The following SYNDIG1 variants were observed in gnomAD, a reference collection of about 807,000 sequenced individuals.
SYNDIG1 encodes the protein synapse differentiation inducing 1, also known as synapse differentiation-inducing gene protein 1.
Under a neutral mutation model 19.4 loss-of-function variants are expected in SYNDIG1, and 9 were observed. The ratio of observed to expected loss-of-function variants is 0.46; its 90% CI spans 0.28 to 0.81. The LOEUF (loss-of-function observed/expected upper bound fraction) is 0.81, where lower values mean the gene tolerates loss of function less well. SYNDIG1 is among the 30% of genes least tolerant of loss of function. SYNDIG1 has a pLI of 0.12. For missense variants in SYNDIG1, 311 were observed against 343.3 expected (o/e 0.91, Z 0.74); for synonymous variants, 141 against 145.9 (o/e 0.97, Z 0.24).
intron 3 of SYNDIG1, among the ~76,000 whole-genome samples, chr20:24,644,358 C>T (rs1323091044): frequency 6.6e-6 from 1 of 152,246 alleles, no homozygotes; most frequent in Non-Finnish European, 1.5e-5. Context: ...CACACATGCT[C>T]TTCTGCAATG....
intron 3 of SYNDIG1, among the ~76,000 whole-genome samples, chr20:24,617,354 A>T (rs1600754907): frequency 6.6e-6 from 1 of 151,888 alleles, no homozygotes; most frequent in East Asian, 1.9e-4. Flanking sequence ...TCACCTCCGC[A>T]CCCAGCTGAC....
chr20:24,580,671 AGTGCTGAGGTAACAGGT>A (rs1396646007), intron 2 of SYNDIG1, among the ~76,000 whole-genome samples: 1 of 152,152 alleles, frequency 6.6e-6, no homozygotes, highest in Non-Finnish European at 1.5e-5. Flanking sequence ...AGCCTCCCAA[AGTGCTGAGGTAACAGGT>A]GTGAACAACC....
In SYNDIG1 at chr20:24,543,227, C is replaced by A. The variant is rs1460239238; in HGVS notation, c.130C>A (p.Pro44Thr). Residue 44 changes from proline to threonine, a missense_variant, in exon 2 of 4, where the codon CCA becomes ACA. Pro to Thr is a conservative substitution (Grantham distance 38). Coordinates refer to ENST00000376862, the MANE Select transcript of SYNDIG1 (RefSeq NM_024893.3). ...CAGAGATGGTCTGGTGTCTGTTTAC[C>A]CAGCGCCCCAGTACCAGAGCCACCG... The part of the protein sequence containing the change: ...ESRDGLVSVY[P>T]APQYQSHRVG... 1 of 1,613,886 alleles carries A rather than the reference C, an allele frequency of 6.2e-7. No homozygotes were observed. Among genetic ancestry groups the A allele is most frequent in the Non-Finnish European group, 8.5e-7 (1 of 1,180,008 alleles).
At chr20:24,541,216 A>T (rs2057461529) in intron 1 of SYNDIG1, among the ~76,000 whole-genome samples, 1 of 152,196 alleles carries the variant, frequency 6.6e-6, no homozygotes, top group African/African-American at 2.4e-5. Context: ...TTTAGTAAAA[A>T]GTGTTCTTTA....
intron 3 of SYNDIG1, among the ~76,000 whole-genome samples, chr20:24,631,344 C>T (rs960284312): frequency 3.9e-5 from 6 of 152,142 alleles, no homozygotes; most frequent in Non-Finnish European, 5.9e-5. Flanking sequence ...GGGTGAGCTC[C>T]GGGGCAGGTG....
At chr20:24,521,462 C>T (rs908801013) in intron 1 of SYNDIG1, among the ~76,000 whole-genome samples, 41 of 152,106 alleles carry the variant, frequency 2.7e-4, no homozygotes, top group Non-Finnish European at 5.3e-4. Context: ...GAGGACCCAC[C>T]GTCTTGTCTT....
intron 1 of SYNDIG1, among the ~76,000 whole-genome samples, chr20:24,534,455 T>G (rs1459645673): frequency 1.3e-5 from 2 of 152,108 alleles, no homozygotes; most frequent in Non-Finnish European, 2.9e-5. Context: ...TCTGCACAGG[T>G]CCCTCTGCTG....
At chr20:24,477,941 C>T (rs942917449) in intron 1 of SYNDIG1, among the ~76,000 whole-genome samples, 6 of 152,194 alleles carry the variant, frequency 3.9e-5, no homozygotes, top group African/African-American at 1.2e-4. Flanking sequence ...AAGACACAGA[C>T]GTGGGCTTCC....
chr20:24,585,094 C>G, intron 3 of SYNDIG1, 101 bp downstream of exon 3: 1 of 1,448,476 alleles, frequency 6.9e-7, no homozygotes, highest in Non-Finnish European at 9.4e-7. Flanking sequence ...GAAGCCCAAA[C>G]AGCTCCTGCT....
At chr20:24,631,827 G>C (rs2059248751) in intron 3 of SYNDIG1, among the ~76,000 whole-genome samples, 1 of 152,164 alleles carries the variant, frequency 6.6e-6, no homozygotes, top group Admixed American at 6.5e-5. Flanking sequence ...TATTTTCAAA[G>C]AGTTGTAATA....
chr20:24,502,388 G>A (rs1238663872), intron 1 of SYNDIG1: 1 of 152,334 alleles, frequency 6.6e-6, no homozygotes, highest in Non-Finnish European at 1.5e-5. Flanking sequence ...TGTCACGTGG[G>A]AGGCAGTGTC....
chr20:24,622,985 T>G (rs2059062182), intron 3 of SYNDIG1, among the ~76,000 whole-genome samples: 1 of 152,086 alleles, frequency 6.6e-6, no homozygotes, highest in African/African-American at 2.4e-5. Context: ...CTGAAAAGAA[T>G]GAGGACATTC....
intron 1 of SYNDIG1, among the ~76,000 whole-genome samples, chr20:24,528,351 C>T (rs1435769867): frequency 2.0e-5 from 3 of 152,186 alleles, no homozygotes; most frequent in Non-Finnish European, 4.4e-5. Flanking sequence ...CTCACCCTTG[C>T]TTATTTCTTC....
intron 1 of SYNDIG1, among the ~76,000 whole-genome samples, chr20:24,530,928 G>C (rs1600537285): frequency 6.6e-6 from 1 of 151,724 alleles, no homozygotes; most frequent in African/African-American, 2.4e-5. Flanking sequence ...CCTGCCTCAG[G>C]CTCCTGAGTA....
chr20:24,560,879 A>C (rs151080023), intron 2 of SYNDIG1, among the ~76,000 whole-genome samples: 1,690 of 151,704 alleles, frequency 0.011, 7 homozygotes, highest in African/African-American at 0.022. Flanking sequence ...AAAAAACAAA[A>C]AAAAAAAAGT....
intron 1 of SYNDIG1, among the ~76,000 whole-genome samples, chr20:24,489,266 A>G (rs1227814002): frequency 6.6e-6 from 1 of 152,124 alleles, no homozygotes; most frequent in Non-Finnish European, 1.5e-5. Flanking sequence ...ACATGCATGC[A>G]CACACGTGCT....
At chr20:24,517,308 A>T (rs28897381) in intron 1 of SYNDIG1, among the ~76,000 whole-genome samples, 15,810 of 149,686 alleles carry the variant, frequency 0.11, 2,236 homozygotes, top group African/African-American at 0.32. Context: ...AATAAAAAAA[A>T]AAATAAATAA....
At chr20:24,494,426 C>T (rs1053958104) in intron 1 of SYNDIG1, among the ~76,000 whole-genome samples, 1 of 152,068 alleles carries the variant, frequency 6.6e-6, no homozygotes, top group Non-Finnish European at 1.5e-5. Context: ...CGAAGTGGGG[C>T]GTGACGAGCT....
chr20:24,484,658 C>T (rs1818222609), intron 1 of SYNDIG1, among the ~76,000 whole-genome samples: 1 of 152,136 alleles, frequency 6.6e-6, no homozygotes, highest in Non-Finnish European at 1.5e-5. Context: ...AAACGATGAT[C>T]TGACACAGAT....
Sources: allele counts gnomAD v4.1 joint callset (sites outside exome capture counted in the v4.1 genomes callset), GRCh38; gene constraint gnomAD v4.1.1; transcripts MANE v1.5; gene names NCBI Gene and HGNC (gene_info 2026-07-23, HGNC 2026-07-21).